The following ITGAE variants were observed in gnomAD, a reference collection of about 807,000 sequenced individuals.
The protein encoded by ITGAE is integrin subunit alpha E.
ITGAE carries 99 observed loss-of-function variants against 136.5 expected under a neutral mutation model. That is an observed-to-expected ratio of 0.73 (90% CI 0.62 to 0.86). ITGAE has a LOEUF of 0.86. Ranked by LOEUF, ITGAE falls within the 40% of genes least tolerant of loss-of-function variation. The probability of loss-of-function intolerance (pLI) is 0.00; values close to 1 mark genes in which losing one functional copy is unlikely to be tolerated. For missense variants in ITGAE, 1,447 were observed against 1,515.3 expected, an observed-to-expected ratio of 0.95 and a Z score of 0.75; for synonymous variants, 613 against 591.8, an observed-to-expected ratio of 1.04 and a Z score of -0.52.
intron 26 of ITGAE, chr17:3,725,705 G>C: frequency 6.3e-7 from 1 of 1,575,122 alleles, no homozygotes; most frequent in Non-Finnish European, 8.6e-7. Flanking sequence ...CAAATGACCG[G>C]CCTGATTTTT....
intron 11 of ITGAE, 30 bp from the exon 12 acceptor site, chr17:3,755,291 A>T: frequency 6.5e-7 from 1 of 1,530,484 alleles, no homozygotes; most frequent in Non-Finnish European, 8.7e-7. Context: ...GGCCCAGATG[A>T]GTGGGAGGGA....
At chr17:3,800,938 C>T (rs1240130779) in intron 1 of ITGAE, among the ~76,000 whole-genome samples, 173 bp downstream of exon 1, 1 of 152,212 alleles carries the variant, frequency 6.6e-6, no homozygotes, top group Non-Finnish European at 1.5e-5. Context: ...TCCCAACAAG[C>T]CTGGGGCCCT....
At chr17:3,777,196 C>T (rs931672177) in intron 2 of ITGAE, among the ~76,000 whole-genome samples, 10 of 151,508 alleles carry the variant, frequency 6.6e-5, no homozygotes, top group African/African-American at 2.2e-4. Flanking sequence ...CTCCTGACCT[C>T]GTGATCCGCC....
intron 26 of ITGAE, chr17:3,725,617 CAG>C: frequency 6.2e-7 from 1 of 1,613,458 alleles, no homozygotes. Context: ...GGGCTGAACT[CAG>C]TGCACTGTGT....
At chr17:3,714,996 C>T in intron 30 of ITGAE, 54 bp from the exon 31 acceptor site, 1 of 1,091,206 alleles carries the variant, frequency 9.2e-7, no homozygotes, top group South Asian at 1.3e-5. Flanking sequence ...CCATCTGTTT[C>T]AGAAAACCGG....
chr17:3,793,172 C>T (rs551955225), intron 1 of ITGAE, among the ~76,000 whole-genome samples: 123 of 152,056 alleles, frequency 8.1e-4, no homozygotes, highest in Middle Eastern at 3.4e-3. Context: ...CCTGCCTCAG[C>T]CTCCTGAGTA....
chr17:3,797,620 C>G (rs2053153126), intron 1 of ITGAE, among the ~76,000 whole-genome samples: 1 of 152,022 alleles, frequency 6.6e-6, no homozygotes, highest in African/African-American at 2.4e-5. Flanking sequence ...ACCACCATGC[C>G]TGGCTCATTT....
intron 20 of ITGAE, chr17:3,738,923 T>C (rs1369652639): frequency 6.6e-6 from 1 of 152,338 alleles, no homozygotes; most frequent in Non-Finnish European, 1.5e-5. Flanking sequence ...AGAAGGATCC[T>C]GCTAAGCTGC....
chr17:3,748,101 G>A lies in ITGAE; in HGVS notation c.2025-49C>T, dbSNP rs2051763969. 1.9e-6 allele frequency: 3 copies of A among 1,581,482 alleles called. No individual in the cohort carries two copies. In the South Asian group the frequency reaches 3.3e-5, roughly 18 times the overall value. On this transcript the variant is annotated intron_variant, in intron 16 of 30. Transcript: ENST00000263087. ...GGGAGAAGTGACTGCTCAGCCTCTGGGTCAGGGCCTGGCTGATTGGTTCAT... is the reference window on the plus strand; with the variant it reads ...GGGAGAAGTGACTGCTCAGCCTCTGAGTCAGGGCCTGGCTGATTGGTTCAT...
chr17:3,727,921 G>C lies in ITGAE; in HGVS notation c.3082C>G (p.Gln1028Glu). Residue 1028 changes from glutamine to glutamate, a missense_variant and splice_region_variant, in exon 26 of 31, where the codon CAG (glutamine) becomes GAG (glutamate). Coordinates refer to ENST00000263087, the MANE Select transcript of ITGAE (RefSeq NM_002208.5). ...VVAVKKLTRTQASTVCTWSQE... is the reference protein window; with the variant it reads ...VVAVKKLTRTEASTVCTWSQE... ...GATAAAGAACTGCCTTTAAATACCTGAGTCCTCGTCAGCTTCTTCACTGCT... is the reference window on the plus strand; with the variant it reads ...GATAAAGAACTGCCTTTAAATACCTCAGTCCTCGTCAGCTTCTTCACTGCT... 6.2e-7 allele frequency: 1 copy of C among 1,602,380 alleles called. No individual in the cohort carries two copies. Among genetic ancestry groups the C allele is most frequent in the Non-Finnish European group, 8.6e-7 (1 of 1,169,424 alleles).
At chr17:3,797,003 C>T (rs1025521365) in intron 1 of ITGAE, among the ~76,000 whole-genome samples, 6 of 151,490 alleles carry the variant, frequency 4.0e-5, no homozygotes, top group Non-Finnish European at 7.4e-5. Flanking sequence ...CCCCCCACCT[C>T]GATCTTCTAC....
intron 2 of ITGAE, among the ~76,000 whole-genome samples, chr17:3,767,932 G>A (rs1363971740): frequency 1.3e-5 from 2 of 152,102 alleles, no homozygotes; most frequent in Non-Finnish European, 2.9e-5. Flanking sequence ...GGAGGAGGCC[G>A]TGAGCCAAGG....
rs220479 is a variant in ITGAE, at chr17:3,753,881, T to C, written c.1429A>G (p.Ile477Val). ...VLHKTCSLSY[I>V]AGAPRYKHHG... is the part of the protein sequence containing the mutation. ...TGTTTGTACCGTGGAGCCCCCGCGA[T>C]GTAGGAGAGGCTGCAGGTCTTGTGC... is the stretch of plus-strand genomic sequence containing the variant. The change falls in exon 13 of 31, where the codon ATC (isoleucine) becomes GTC (valine). Residue 477 changes from isoleucine to valine, a missense_variant. By Grantham distance (29) the Ile-to-Val change is conservative (BLOSUM62 3). Transcript: ENST00000263087. 1,277,414 of 1,613,688 alleles carry C rather than the reference T, an allele frequency of 0.79. 515,181 individuals are homozygous for C. Among genetic ancestry groups the C allele is most frequent in the African/African-American group, 0.97 (72,353 of 74,976 alleles).
At chr17:3,753,483 A>G (rs755632926) in intron 13 of ITGAE, 53 bp from the exon 14 acceptor site, 3 of 1,594,026 alleles carry the variant, frequency 1.9e-6, no homozygotes, top group Middle Eastern at 1.9e-4. Context: ...TGCACCCCTC[A>G]GCAAGGCTAC....
At chr17:3,789,832 C>G (rs1312862082) in intron 1 of ITGAE, among the ~76,000 whole-genome samples, 1 of 152,188 alleles carries the variant, frequency 6.6e-6, no homozygotes, top group South Asian at 2.1e-4. Flanking sequence ...TCATCTGGCC[C>G]TTATAAAAAT....
Position 3,723,608 on chromosome 17 carries a change from G to C in ITGAE, c.3141+80C>G, listed in dbSNP as rs77814250. 7,452 of 1,417,242 alleles carry C rather than the reference G, an allele frequency of 5.3e-3. 165 individuals are homozygous for C. In the South Asian group the frequency reaches 0.053, roughly 10 times the overall value. The allele number at this position is 1,417,242 out of a possible 1,614,324, so 87.8% of individuals were successfully genotyped here. ...GGCACTGGCCGGCAGGGGTAACCCA[G>C]GAAAAACAGTCTCCTGGCCTCTCGT... On this transcript the variant is annotated intron_variant, in intron 27 of 30. Coordinates refer to ENST00000263087, the MANE Select transcript of ITGAE (RefSeq NM_002208.5).
chr17:3,787,163 G>A (rs921918457), intron 1 of ITGAE, among the ~76,000 whole-genome samples: 2 of 151,488 alleles, frequency 1.3e-5, no homozygotes, highest in African/African-American at 2.4e-5. Flanking sequence ...CCAGGCTGGA[G>A]TGCAGTGGTG....
chr17:3,754,983 C>T (rs1377230432), intron 12 of ITGAE, 134 bp downstream of exon 12: 11 of 1,110,346 alleles, frequency 9.9e-6, no homozygotes, highest in South Asian at 1.7e-5. Context: ...CCCAGGTAGC[C>T]CCCAGGCCCC....
chr17:3,745,121 A>G (rs1003883623), intron 18 of ITGAE, among the ~76,000 whole-genome samples: 1 of 152,152 alleles, frequency 6.6e-6, no homozygotes, highest in South Asian at 2.1e-4. Flanking sequence ...CACCTTTGCC[A>G]GGAGTAAACC....
Sources: allele counts gnomAD v4.1 joint callset (sites outside exome capture counted in the v4.1 genomes callset), GRCh38; gene constraint gnomAD v4.1.1; transcripts MANE v1.5; gene names NCBI Gene and HGNC (gene_info 2026-07-23, HGNC 2026-07-21).